The following CDH18 variants were observed in gnomAD, a reference collection of about 807,000 sequenced individuals.
CDH18 encodes the protein cadherin-18.
Under a neutral mutation model 67.9 loss-of-function variants are expected in CDH18, and 31 were observed. That is an observed-to-expected ratio of 0.46 (90% CI 0.34 to 0.62). The LOEUF (loss-of-function observed/expected upper bound fraction) is 0.62. Among genes scored for constraint, CDH18 ranks in the 20% least tolerant of loss-of-function variants. CDH18 has a pLI of 0.01. For synonymous variants in CDH18, 362 were observed against 347.2 expected (o/e 1.04, Z -0.48); for missense variants, 890 against 975.5 (o/e 0.91, Z 1.17).
intron 1 of CDH18, among the ~76,000 whole-genome samples, chr5:20,443,899 T>C (rs1749815661): frequency 6.6e-6 from 1 of 151,924 alleles, no homozygotes; most frequent in South Asian, 2.1e-4. Context: ...TATTTCTACC[T>C]ATGAAGCACT....
chr5:20,284,014 T>C (rs1746491226), intron 1 of CDH18, among the ~76,000 whole-genome samples: 1 of 152,040 alleles, frequency 6.6e-6, no homozygotes, highest in South Asian at 2.1e-4. Flanking sequence ...AGACCTCACA[T>C]GTTTTCACTC....
At chr5:20,324,044 A>G (rs1461785138) in intron 1 of CDH18, among the ~76,000 whole-genome samples, 1 of 152,186 alleles carries the variant, frequency 6.6e-6, no homozygotes, top group African/African-American at 2.4e-5. Context: ...CCAGTGCCCA[A>G]AGTTCAACGG....
intron 2 of CDH18, among the ~76,000 whole-genome samples, chr5:19,933,638 T>C (rs899820312): frequency 2.0e-5 from 3 of 151,530 alleles, no homozygotes; most frequent in African/African-American, 4.8e-5. Context: ...GCAACCTCCA[T>C]TGTTCAATCC....
chr5:20,178,592 CTTTT>C (rs111364657), intron 2 of CDH18, among the ~76,000 whole-genome samples: 6 of 142,584 alleles, frequency 4.2e-5, no homozygotes, highest in Non-Finnish European at 7.7e-5. Context: ...TTCTTTCTTT[CTTTT>C]TTTTTTTGTT....
At chr5:20,283,499 A>T (rs1746447607) in intron 1 of CDH18, among the ~76,000 whole-genome samples, 1 of 151,524 alleles carries the variant, frequency 6.6e-6, no homozygotes, top group African/African-American at 2.4e-5. Flanking sequence ...ATATGAAAAG[A>T]TGTTCATGAT....
intron 1 of CDH18, among the ~76,000 whole-genome samples, chr5:20,479,340 G>A (rs1223245943): frequency 6.6e-6 from 1 of 152,104 alleles, no homozygotes; most frequent in Admixed American, 6.5e-5. Flanking sequence ...ATTCAAAAGT[G>A]CTGTTTTGAG....
At chr5:20,172,236 A>ATG (rs1736874229) in intron 2 of CDH18, among the ~76,000 whole-genome samples, 4 of 125,020 alleles carry the variant, frequency 3.2e-5, no homozygotes, top group African/African-American at 1.4e-4. Flanking sequence ...ATATATATAT[A>ATG]TATGTATATA....
chr5:19,699,151 A>G (rs1762895861), intron 5 of CDH18, among the ~76,000 whole-genome samples: 1 of 152,122 alleles, frequency 6.6e-6, no homozygotes, highest in Non-Finnish European at 1.5e-5. Context: ...TTCAGTGTCT[A>G]TTCAATACAC....
At chr5:20,066,494 A>G (rs951599065) in intron 2 of CDH18, among the ~76,000 whole-genome samples, 5 of 152,098 alleles carry the variant, frequency 3.3e-5, no homozygotes, top group African/African-American at 1.2e-4. Flanking sequence ...CAAAATAATC[A>G]TATCTACCTA....
At chr5:19,816,562 A>G (rs1163234001) in intron 3 of CDH18, among the ~76,000 whole-genome samples, 1 of 151,842 alleles carries the variant, frequency 6.6e-6, no homozygotes, top group African/African-American at 2.4e-5. Flanking sequence ...ACACTTCACA[A>G]TAACAACCTT....
At chr5:19,614,400 T>C (rs537698399) in intron 5 of CDH18, among the ~76,000 whole-genome samples, 6 of 151,218 alleles carry the variant, frequency 4.0e-5, no homozygotes, top group Non-Finnish European at 8.9e-5. Flanking sequence ...TTATAATAAA[T>C]GATTCATCTA....
intron 1 of CDH18, among the ~76,000 whole-genome samples, chr5:20,411,327 T>C (rs952251259): frequency 6.6e-6 from 1 of 152,056 alleles, no homozygotes; most frequent in African/African-American, 2.4e-5. Context: ...TGGACAAAAG[T>C]GCCTACAATA....
Position 19,993,609 on chromosome 5 carries a change from T to C in CDH18, c.-517-1595A>G, listed in dbSNP as rs375696620. Among the ~76,000 whole-genome samples, 23 of 152,168 alleles carry C rather than the reference T, an allele frequency of 1.5e-4. No homozygotes were observed. The East Asian group carries it at 1.5e-3, about 10-fold the overall frequency. ...CCTTGCTTTTTCTGTAGCACACACATATACACACATATAGATATATACACA... is the reference window on the plus strand; with the variant it reads ...CCTTGCTTTTTCTGTAGCACACACACATACACACATATAGATATATACACA... On this transcript the variant is annotated intron_variant, in intron 2 of 14. Coordinates refer to the CDH18 transcript ENST00000507958.
Position 20,025,427 on chromosome 5 carries a change from A to T in CDH18, c.-517-33413T>A, listed in dbSNP as rs116792827. 6.3e-3 allele frequency among the ~76,000 whole-genome samples: 952 copies of T among 152,316 alleles called. 6 individuals carry two copies. The highest frequency in any genetic ancestry group is 0.022 in the African/African-American group (902 of 41,578). Reference sequence around the variant, plus strand: ...ATAAAATATATAAATATAATATGTCACAGTATTTCCAATAATTCTACTGTT... The same window carrying T: ...ATAAAATATATAAATATAATATGTCTCAGTATTTCCAATAATTCTACTGTT... On this transcript the variant is annotated intron_variant, in intron 2 of 14. Coordinates refer to the CDH18 transcript ENST00000507958.
At chr5:19,976,009 C>A (rs1449396015) in intron 2 of CDH18, among the ~76,000 whole-genome samples, 1 of 152,152 alleles carries the variant, frequency 6.6e-6, no homozygotes, top group Admixed American at 6.5e-5. Flanking sequence ...CACAGTCACA[C>A]AAGAACTGCC....
At position 20,301,226 on chromosome 5, in the gene CDH18, T is replaced by G; in HGVS notation, c.-579-45721A>C. On this transcript the variant is annotated intron_variant, in intron 1 of 14. Transcript: ENST00000507958. Reference sequence around the variant, plus strand: ...TTGTTTTACTTTTCATTTATTCACATTTCACAGATTGTTACACTTCCTTGA... The same window carrying G: ...TTGTTTTACTTTTCATTTATTCACAGTTCACAGATTGTTACACTTCCTTGA... Among the ~76,000 whole-genome samples, 2 of 152,208 alleles carry G rather than the reference T, an allele frequency of 1.3e-5. 1 individual carries two copies. The highest frequency in any genetic ancestry group is 3.9e-4 in the East Asian group (2 of 5,190).
At chr5:20,518,358 A>G (rs1246412792) in intron 1 of CDH18, among the ~76,000 whole-genome samples, 2 of 152,112 alleles carry the variant, frequency 1.3e-5, no homozygotes, top group African/African-American at 4.8e-5. Context: ...AATCAGCTAG[A>G]TAAGGAAACT....
intron 2 of CDH18, among the ~76,000 whole-genome samples, chr5:19,878,301 G>A (rs1787260660): frequency 6.6e-6 from 1 of 152,014 alleles, no homozygotes; most frequent in African/African-American, 2.4e-5. Context: ...ACATGACATG[G>A]CAGACCTTCA....
intron 2 of CDH18, among the ~76,000 whole-genome samples, chr5:20,125,262 G>A (rs978162770): frequency 2.6e-4 from 39 of 151,212 alleles, no homozygotes; most frequent in African/African-American, 9.2e-4. Context: ...TAAGAGTGAA[G>A]TATTGGCTCA....
Sources: allele counts gnomAD v4.1 joint callset (sites outside exome capture counted in the v4.1 genomes callset), GRCh38; gene constraint gnomAD v4.1.1; transcripts MANE v1.5; gene names NCBI Gene and HGNC (gene_info 2026-07-23, HGNC 2026-07-21).